Variants in NID1 observed in about 807,000 individuals in gnomAD.
NID1 encodes nidogen 1, also known as nidogen-1.
NID1 carries 76 observed loss-of-function variants against 130.6 expected under a neutral mutation model. The ratio of observed to expected loss-of-function variants is 0.58; its 90% CI spans 0.48 to 0.70. NID1 has a LOEUF of 0.70. Ranked by LOEUF, NID1 falls within the 30% of genes least tolerant of loss-of-function variation. The pLI, the probability that NID1 is intolerant of heterozygous loss-of-function variation, is 0.00. For synonymous variants in NID1, 665 were observed against 675.1 expected (o/e 0.98, Z 0.23); for missense variants, 1,517 against 1,664.8 (o/e 0.91, Z 1.54).
rs1210608340 is a variant in NID1 at position 236,012,061 on chromosome 1, G to A, written c.2405-18C>T. On this transcript the variant is annotated intron_variant, in intron 11 of 19. Transcript: ENST00000264187. ...ATCTACATCTGTAAAACAGCCACCA[G>A]GCCCAGGGACAATGAGATTTCTTCT... 6.2e-7 allele frequency: 1 copy of A among 1,605,644 alleles called. No homozygotes were observed. The highest frequency in any genetic ancestry group is 1.3e-5 in the African/African-American group (1 of 74,936).
At chr1:236,057,377 C>T (rs997296301) in intron 1 of NID1, among the ~76,000 whole-genome samples, 3 of 152,178 alleles carry the variant, frequency 2.0e-5, no homozygotes, top group Admixed American at 2.0e-4. Flanking sequence ...TCCAAACTCT[C>T]CATGGTGTCT....
chr1:236,026,085 C>G lies in NID1; in HGVS notation c.1795G>C (p.Ala599Pro). 1 of 1,613,590 alleles carries G rather than the reference C, an allele frequency of 6.2e-7. No individual in the cohort carries two copies. Among genetic ancestry groups the G allele is most frequent in the African/African-American group, 1.3e-5 (1 of 74,882 alleles). Residue 599 changes from alanine to proline, a missense_variant, in exon 8 of 20, where the codon GCA (alanine) becomes CCA (proline). Physicochemically the swap from Ala to Pro is conservative, Grantham distance 27. This residue lies in a region of NID1 where 1,329 missense variants were observed against 1,429.2 expected (regional missense o/e 0.93). Transcript: ENST00000264187. ...TAAGTGTAGATGCGTGAAGGAGATG[C>G]CCCATCTCGCTCGGGCTCAGTCACC... ...YTVTEPERDG[A>P]SPSRIYTYQW...
chr1:236,049,437 G>A (rs767252566), intron 1 of NID1, among the ~76,000 whole-genome samples: 3 of 152,078 alleles, frequency 2.0e-5, no homozygotes, highest in African/African-American at 7.2e-5. Context: ...CCATGATCAC[G>A]CCAGTGCACT....
intron 5 of NID1, among the ~76,000 whole-genome samples, chr1:236,037,668 A>AAAC (rs1659300019): frequency 6.6e-6 from 1 of 151,616 alleles, no homozygotes; most frequent in South Asian, 2.1e-4. Context: ...AAGAAAAAAA[A>AAAC]AAACATAGGT....
At position 235,980,532 on chromosome 1, in the gene NID1, C is replaced by G. The variant is rs749137007; in HGVS notation, c.3349G>C (p.Asp1117His). Residue 1117 changes from aspartate (D) to histidine (H), a missense_variant, in exon 17 of 20, where the codon GAT (aspartate) becomes CAT (histidine). Transcript: ENST00000264187. ...CAGCAGAGCTGAGATGAGAACGCAT[C>G]GAAGGTCAGTCCATTGGGCAAGCCC... is the stretch of plus-strand genomic sequence containing the variant. ...DLGLPNGLTF[D>H]AFSSQLCWVD... The G allele has an allele frequency of 1.2e-6, 2 of 1,614,152 alleles. No homozygotes were observed. Among genetic ancestry groups the G allele is most frequent in the East Asian group, 4.5e-5 (2 of 44,876 alleles).
Position 235,977,640 on chromosome 1 carries a change from TA to T in NID1, c.*226del, listed in dbSNP as rs1424827152. The stretch of plus-strand genomic sequence containing the variant: ...TATAAGTCTGTCTGAGGGTTGGGGG[TA>T]GGGGTGGAGGGTTCTGTCCTTGTGT... On this transcript the variant is annotated 3_prime_UTR_variant, in exon 20 of 20. Coordinates refer to ENST00000264187, the MANE Select transcript of NID1 (RefSeq NM_002508.3). 7 of 509,382 alleles carry T rather than the reference TA, an allele frequency of 1.4e-5. No homozygotes were observed. Among genetic ancestry groups the T allele is most frequent in the Non-Finnish European group, 2.5e-5 (7 of 282,534 alleles). 31.6% of individuals were successfully genotyped at this position (509,382 alleles called of 1,614,324 possible). A position where few individuals can be genotyped will look rare whatever the true frequency, so the allele number is the denominator to read the frequency against.
At chr1:236,058,737 G>C (rs1033670116) in intron 1 of NID1, among the ~76,000 whole-genome samples, 1 of 152,312 alleles carries the variant, frequency 6.6e-6, no homozygotes, top group South Asian at 2.1e-4. Context: ...GATGAGCCTA[G>C]TAACAGGCTG....
intron 4 of NID1, among the ~76,000 whole-genome samples, chr1:236,038,832 ATAT>A (rs1409482373): frequency 8.6e-5 from 11 of 127,462 alleles, no homozygotes; most frequent in South Asian, 2.5e-4. Flanking sequence ...TATAGGTCAT[ATAT>A]AATAAATATT....
chr1:236,038,323 T>C (rs965346221), intron 4 of NID1, 70 bp from the exon 5 acceptor site: 2 of 1,544,410 alleles, frequency 1.3e-6, no homozygotes, highest in African/African-American at 1.4e-5. Flanking sequence ...CTCTCTCATC[T>C]AGGCACCCTC....
At chr1:236,028,697 T>C (rs1306193918) in intron 7 of NID1, among the ~76,000 whole-genome samples, 1 of 151,696 alleles carries the variant, frequency 6.6e-6, no homozygotes, top group Non-Finnish European at 1.5e-5. Flanking sequence ...CATATATATA[T>C]ATATATATAT....
chr1:236,035,771 A>G (rs1432158630), intron 5 of NID1, among the ~76,000 whole-genome samples: 1 of 152,200 alleles, frequency 6.6e-6, no homozygotes, highest in African/African-American at 2.4e-5. Flanking sequence ...CAGCCAGGAC[A>G]TATCCAACAG....
intron 10 of NID1, among the ~76,000 whole-genome samples, chr1:236,016,534 AGGAAGAATTTAAACAATCT>A (rs1658600020): frequency 6.6e-6 from 1 of 152,214 alleles, no homozygotes; most frequent in South Asian, 2.1e-4. Context: ...GAGGAAAAAG[AGGAAGAATTTAAACAATCT>A]GGCTGTTCGT....
At chr1:236,031,780 C>A (rs1298767163) in intron 6 of NID1, among the ~76,000 whole-genome samples, 1 of 152,192 alleles carries the variant, frequency 6.6e-6, no homozygotes, top group Non-Finnish European at 1.5e-5. Context: ...AAGGCCACCA[C>A]AACACCAAGG....
Position 236,045,598 on chromosome 1 carries a change from T to C in NID1, c.611A>G (p.His204Arg), listed in dbSNP as rs781038953. The C allele has an allele frequency of 6.8e-6, 11 of 1,614,200 alleles. No homozygotes were observed. The highest frequency in any genetic ancestry group is 3.3e-5 in the South Asian group (3 of 91,076). ...FLYPEDGLQF[H>R]TTFSKKENNQ... ...GTTTTCCTTCTTTGAGAATGTCGTA[T>C]GGAACTGCAGACCATCCTCAGGATA... Residue 204 changes from histidine (H) to arginine (R), a missense_variant, in exon 3 of 20, where the codon CAT becomes CGT. Transcript: ENST00000264187.
intron 12 of NID1, among the ~76,000 whole-genome samples, chr1:235,999,464 C>T (rs1379975958): frequency 1.3e-5 from 2 of 151,908 alleles, no homozygotes; most frequent in African/African-American, 4.8e-5. Flanking sequence ...TGGGAGCAGC[C>T]CAGGGGCTCT....
rs755172570 is a variant in NID1, at chr1:236,017,356, C to A, written c.2129-83G>T. 140 of 1,438,458 alleles carry A rather than the reference C, an allele frequency of 9.7e-5. 1 individual carries two copies. In the South Asian group the frequency reaches 1.4e-3, roughly 14 times the overall value. The allele number at this position is 1,438,458 out of a possible 1,614,324, so 89.1% of individuals were successfully genotyped here. ...TGACTATAATAAAATAGCATTGTCACCTAAGAATAGATCAATTTTAAAACA... is the reference window on the plus strand; with the variant it reads ...TGACTATAATAAAATAGCATTGTCAACTAAGAATAGATCAATTTTAAAACA... On this transcript the variant is annotated intron_variant, in intron 9 of 19. Coordinates refer to ENST00000264187, the MANE Select transcript of NID1 (RefSeq NM_002508.3).
At chr1:236,058,790 T>C (rs987233149) in intron 1 of NID1, among the ~76,000 whole-genome samples, 5 of 152,220 alleles carry the variant, frequency 3.3e-5, no homozygotes, top group Non-Finnish European at 5.9e-5. Context: ...AAAACATGTG[T>C]GTTTAGAGAA....
At chr1:236,045,070 A>T (rs1327863768) in intron 3 of NID1, among the ~76,000 whole-genome samples, 1 of 152,044 alleles carries the variant, frequency 6.6e-6, no homozygotes, top group Non-Finnish European at 1.5e-5. Context: ...ATGGTGGCAC[A>T]CACCTGTAAT....
At chr1:236,004,032 C>CAA (rs36021098) in intron 12 of NID1, among the ~76,000 whole-genome samples, 2,070 of 115,846 alleles carry the variant, frequency 0.018, 53 homozygotes, top group Admixed American at 0.047. Context: ...GACTCTGTCT[C>CAA]AAAAAAAAAA....
Sources: allele counts gnomAD v4.1 joint callset (sites outside exome capture counted in the v4.1 genomes callset), GRCh38; gene constraint gnomAD v4.1.1; regional missense constraint gnomAD v4.1.1; transcripts MANE v1.5; gene names NCBI Gene and HGNC (gene_info 2026-07-23, HGNC 2026-07-21).